The following ZMYM5 variants were observed in gnomAD, a reference collection of about 807,000 sequenced individuals.
ZMYM5 encodes the protein zinc finger MYM-type protein 5.
Under a neutral mutation model 61.8 loss-of-function variants are expected in ZMYM5, and 41 were observed. That is an observed-to-expected ratio of 0.66 (90% CI 0.52 to 0.86). ZMYM5 has a LOEUF of 0.86. Among genes scored for constraint, ZMYM5 ranks in the 40% least tolerant of loss-of-function variants. The pLI is 0.00. For missense variants in ZMYM5, 706 were observed against 786.7 expected (o/e 0.90, Z 1.23); for synonymous variants, 257 against 276.4 (o/e 0.93, Z 0.70).
chr13:19,849,279 C>T (rs1440955361), intron 4 of ZMYM5, among the ~76,000 whole-genome samples: 1 of 151,992 alleles, frequency 6.6e-6, no homozygotes, highest in Non-Finnish European at 1.5e-5. Flanking sequence ...CATCATGGCG[C>T]CTGGCTAATT....
At chr13:19,831,124 G>T (rs186085005) in intron 7 of ZMYM5, among the ~76,000 whole-genome samples, 35 of 104,872 alleles carry the variant, frequency 3.3e-4, no homozygotes, top group African/African-American at 1.1e-3. Flanking sequence ...ACCACACCCA[G>T]CCTATTTTTT....
At chr13:19,845,742 G>T (rs1209538485) in intron 4 of ZMYM5, among the ~76,000 whole-genome samples, 1 of 152,174 alleles carries the variant, frequency 6.6e-6, no homozygotes, top group Non-Finnish European at 1.5e-5. Context: ...CATAAGGCAA[G>T]GTCTGGGAGG....
At chr13:19,860,138 G>C (rs1221976932) in intron 2 of ZMYM5, among the ~76,000 whole-genome samples, 2 of 131,960 alleles carry the variant, frequency 1.5e-5, no homozygotes, top group Admixed American at 7.7e-5. Context: ...GAAAAAAAAA[G>C]AATTATAGAT....
At chr13:19,861,849 C>CA (rs58840015) in intron 2 of ZMYM5, among the ~76,000 whole-genome samples, 14,761 of 137,720 alleles carry the variant, frequency 0.11, 861 homozygotes, top group African/African-American at 0.18. Context: ...TGTCTAGTAG[C>CA]AAAAAAAAAA....
chr13:19,843,125 GTTTT>G (rs374752573), intron 4 of ZMYM5, among the ~76,000 whole-genome samples: 1 of 143,606 alleles, frequency 7.0e-6, no homozygotes, highest in African/African-American at 2.7e-5. Flanking sequence ...AGATTTAACA[GTTTT>G]TTTTTTTCTT....
intron 7 of ZMYM5, among the ~76,000 whole-genome samples, chr13:19,827,087 T>TG (rs1755126176): frequency 6.6e-6 from 1 of 152,130 alleles, no homozygotes; most frequent in African/African-American, 2.4e-5. Flanking sequence ...TTGGAGGAGT[T>TG]GGAGTTGAAA....
rs1890784884 is a variant in ZMYM5 at position 19,823,995 on chromosome 13, C to T, written c.*482G>A. The T allele has an allele frequency of 6.6e-6, 1 of 152,254 alleles. No homozygotes were observed. The highest frequency in any genetic ancestry group is 1.5e-5 in the Non-Finnish European group (1 of 68,126). The allele number at this position is 152,254 out of a possible 1,614,324, so 9.4% of individuals were successfully genotyped here. ...CTGGGACTACAGGTGTGTGCCACCA[C>T]ACCTGGCTAATTTTTGTATTTTTAG... is the stretch of plus-strand genomic sequence containing the variant. On this transcript the variant is annotated 3_prime_UTR_variant, in exon 8 of 8. Coordinates refer to ENST00000337963, the MANE Select transcript of ZMYM5 (RefSeq NM_001142684.2).
intron 1 of ZMYM5, among the ~76,000 whole-genome samples, chr13:19,863,177 G>A (rs1273545779): frequency 7.4e-6 from 1 of 134,448 alleles, no homozygotes; most frequent in Admixed American, 7.4e-5. Context: ...CGACCTCCCC[G>A]GGCGGCCGGC....
At chr13:19,843,245 G>A (rs1418548601) in intron 4 of ZMYM5, among the ~76,000 whole-genome samples, 2 of 150,560 alleles carry the variant, frequency 1.3e-5, no homozygotes, top group Non-Finnish European at 3.0e-5. Flanking sequence ...AGTCTCCCAA[G>A]TAGCTGGGAT....
chr13:19,832,670 G>T (rs2138500924), intron 7 of ZMYM5, among the ~76,000 whole-genome samples: 1 of 152,174 alleles, frequency 6.6e-6, no homozygotes, highest in African/African-American at 2.4e-5. Flanking sequence ...AAAATATTAA[G>T]ACTTAATATA....
chr13:19,861,796 A>G (rs1953772588), intron 2 of ZMYM5, among the ~76,000 whole-genome samples: 2 of 152,038 alleles, frequency 1.3e-5, no homozygotes, highest in African/African-American at 4.8e-5. Context: ...TAGCTGACAG[A>G]GAAAGGGCAT....
chr13:19,836,374 G>A (rs1952675899), intron 6 of ZMYM5, among the ~76,000 whole-genome samples: 1 of 151,842 alleles, frequency 6.6e-6, no homozygotes, highest in South Asian at 2.1e-4. Context: ...CCAGATTACA[G>A]GCTTGCAGCA....
At chr13:19,844,137 C>CAAAAA (rs1228066138) in intron 4 of ZMYM5, among the ~76,000 whole-genome samples, 1 of 65,542 alleles carries the variant, frequency 1.5e-5, no homozygotes, top group Non-Finnish European at 3.3e-5. Flanking sequence ...GACTCCGTCT[C>CAAAAA]AAAAAAAAAA....
intron 4 of ZMYM5, among the ~76,000 whole-genome samples, chr13:19,844,171 G>A (rs952217771): frequency 4.0e-5 from 6 of 151,430 alleles, no homozygotes; most frequent in African/African-American, 1.5e-4. Context: ...AGCTAGGTGT[G>A]GTGGTATGCA....
rs753115060 is a variant in ZMYM5, at chr13:19,853,611, T to TC, written c.-10-1422dup. The stretch of plus-strand genomic sequence containing the variant: ...ACAGGCGTGGCCTCAGTTTTTTTTT[T>TC]CTTTCTTTTTTTTTTTTGTCCTGTC... On this transcript the variant is annotated intron_variant, in intron 2 of 7. Coordinates refer to ENST00000337963, the MANE Select transcript of ZMYM5 (RefSeq NM_001142684.2). 1.1e-4 allele frequency among the ~76,000 whole-genome samples: 17 copies of TC among 151,598 alleles called. No individual in the cohort carries two copies. In the East Asian group the frequency reaches 2.1e-3, roughly 19 times the overall value.
intron 4 of ZMYM5, among the ~76,000 whole-genome samples, chr13:19,845,147 C>G (rs559052075): frequency 6.6e-6 from 1 of 152,182 alleles, no homozygotes; most frequent in African/African-American, 2.4e-5. Context: ...GACATATAAA[C>G]ATTAACAGAT....
intron 7 of ZMYM5, among the ~76,000 whole-genome samples, chr13:19,834,502 G>A (rs758525261): frequency 3.3e-5 from 5 of 150,544 alleles, no homozygotes; most frequent in Admixed American, 1.3e-4. Flanking sequence ...TGACCAGGCC[G>A]GTCTTGAACT....
At chr13:19,845,393 G>A (rs1045348526) in intron 4 of ZMYM5, among the ~76,000 whole-genome samples, 2 of 152,156 alleles carry the variant, frequency 1.3e-5, no homozygotes, top group East Asian at 1.9e-4. Context: ...GCACTAAACC[G>A]TACTAGCAGT....
At chr13:19,849,633 A>G (rs1422059690) in intron 4 of ZMYM5, among the ~76,000 whole-genome samples, 1 of 152,160 alleles carries the variant, frequency 6.6e-6, no homozygotes, top group East Asian at 1.9e-4. Context: ...TAAATATTCT[A>G]TAATAATCAC....
Sources: allele counts gnomAD v4.1 joint callset (sites outside exome capture counted in the v4.1 genomes callset), GRCh38; gene constraint gnomAD v4.1.1; transcripts MANE v1.5; gene names NCBI Gene and HGNC (gene_info 2026-07-23, HGNC 2026-07-21).